Variants in DPP6 observed in about 807,000 individuals in gnomAD.
DPP6 encodes the protein dipeptidyl peptidase like 6.
DPP6 carries 69 observed loss-of-function variants against 122.6 expected under a neutral mutation model. The observed-to-expected ratio is 0.56, with a 90% CI of 0.46 to 0.69. The LOEUF is 0.69. DPP6 is among the 30% of genes least tolerant of loss of function. DPP6 has a pLI of 0.00. For missense variants in DPP6, 928 were observed against 1,116.9 expected (o/e 0.83, Z 2.41); for synonymous variants, 418 against 433.1 (o/e 0.97, Z 0.43).
chr7:154,587,823 C>A, intron 5 of DPP6: 1 of 1,612,780 alleles, frequency 6.2e-7, no homozygotes, highest in South Asian at 1.1e-5. Context: ...TCAATGGATA[C>A]AGCACAGCAT....
At chr7:154,441,673 C>T (rs748230971) in intron 1 of DPP6, among the ~76,000 whole-genome samples, 3 of 152,222 alleles carry the variant, frequency 2.0e-5, no homozygotes, top group East Asian at 3.9e-4. Context: ...GACAGAGAGG[C>T]GTGGGCTCTA....
intron 1 of DPP6, among the ~76,000 whole-genome samples, chr7:154,085,732 T>C (rs1434519574): frequency 6.6e-6 from 1 of 152,040 alleles, no homozygotes; most frequent in Admixed American, 6.6e-5. Context: ...TTTATTTTTA[T>C]TTATTTATTT....
chr7:153,808,201 C>T, the DPP6 span, among the ~76,000 whole-genome samples: 3 of 129,496 alleles, frequency 2.3e-5, no homozygotes, highest in Non-Finnish European at 5.0e-5. Context: ...GTGTGTGTGC[C>T]TGAGTGTGTG....
intron 1 of DPP6, among the ~76,000 whole-genome samples, chr7:154,068,037 CA>C (rs1802866247): frequency 6.6e-6 from 1 of 151,624 alleles, no homozygotes; most frequent in Non-Finnish European, 1.5e-5. Context: ...ACTGGGATTA[CA>C]GGCATGAGTC....
intron 2 of DPP6, among the ~76,000 whole-genome samples, chr7:154,460,758 C>T (rs1029441781): frequency 2.6e-5 from 4 of 152,106 alleles, no homozygotes; most frequent in Non-Finnish European, 5.9e-5. Context: ...ACACATGACA[C>T]ATTTTGATAC....
intron 1 of DPP6, among the ~76,000 whole-genome samples, chr7:154,324,867 A>ATTTTTTTTTTTTTTTTT (rs143944650): frequency 1.5e-4 from 17 of 113,086 alleles, no homozygotes; most frequent in Non-Finnish European, 1.9e-4. Flanking sequence ...TCCTTTTGTT[A>ATTTTTTTTTTTTTTTTT]TTTTTTTTTT....
intron 4 of DPP6, among the ~76,000 whole-genome samples, chr7:154,550,795 A>C (rs1014036024): frequency 6.7e-6 from 1 of 148,516 alleles, no homozygotes; most frequent in Non-Finnish European, 1.5e-5. Context: ...TTGTTGCCCA[A>C]GCTGGAGTGC....
At position 154,314,046 on chromosome 7, in the gene DPP6, T is replaced by C. The variant is rs574915983; in HGVS notation, c.244-132168T>C. 2.8e-4 allele frequency among the ~76,000 whole-genome samples: 42 copies of C among 152,248 alleles called. No homozygotes were observed. In the South Asian group the frequency reaches 8.7e-3, roughly 32 times the overall value. ...CTCCCTTGGTGCATTTTATTAATTCTTTCTGCTCATTACTAGGCTTGGGAT... is the reference window on the plus strand; with the variant it reads ...CTCCCTTGGTGCATTTTATTAATTCCTTCTGCTCATTACTAGGCTTGGGAT... On this transcript the variant is annotated intron_variant, in intron 1 of 25. Transcript: ENST00000377770.
At chr7:153,800,641 C>A in the DPP6 span, among the ~76,000 whole-genome samples, 1 of 152,194 alleles carries the variant, frequency 6.6e-6, no homozygotes, top group South Asian at 2.1e-4. Flanking sequence ...CTCAGCCTCC[C>A]AACTAGCTGA....
chr7:154,201,574 TAAG>T lies in DPP6; in HGVS notation c.243+148514_243+148516del, dbSNP rs1799176122. Among the ~76,000 whole-genome samples the T allele has an allele frequency of 2.0e-5, 3 of 152,280 alleles. No individual in the cohort carries two copies. In the South Asian group the frequency reaches 6.2e-4, roughly 32 times the overall value. ...ATTCTGAAAACCCTTCACTCCTAAA[TAAG>T]AAAGTATTGGGGCAGCAGGTCCCAC... is the stretch of plus-strand genomic sequence containing the variant. On this transcript the variant is annotated intron_variant, in intron 1 of 25. Coordinates refer to ENST00000377770, the MANE Select transcript of DPP6 (RefSeq NM_130797.4).
the DPP6 span, among the ~76,000 whole-genome samples, chr7:153,786,544 C>T: frequency 2.0e-5 from 3 of 151,506 alleles, no homozygotes; most frequent in African/African-American, 7.3e-5. Context: ...TCGAGACCAT[C>T]CTGGCTAACA....
intron 1 of DPP6, among the ~76,000 whole-genome samples, chr7:154,205,230 TC>T (rs1585626604): frequency 6.6e-6 from 1 of 152,148 alleles, no homozygotes; most frequent in African/African-American, 2.4e-5. Context: ...TTGTACCCTT[TC>T]CCCAGTTTCC....
At chr7:154,341,307 G>A (rs566906247) in intron 1 of DPP6, among the ~76,000 whole-genome samples, 2 of 152,294 alleles carry the variant, frequency 1.3e-5, no homozygotes, top group South Asian at 2.1e-4. Context: ...GTCTGGCTCT[G>A]TCCTTCTGAC....
At chr7:154,883,637 CT>C (rs1805699065) in intron 21 of DPP6, 1 of 145,650 alleles carries the variant, frequency 6.9e-6, no homozygotes, top group Non-Finnish European at 1.5e-5. Flanking sequence ...CACACACATG[CT>C]CATACACGTT....
intron 2 of DPP6, among the ~76,000 whole-genome samples, chr7:154,448,006 G>A: frequency 6.6e-6 from 1 of 152,164 alleles, no homozygotes; most frequent in East Asian, 1.9e-4. Flanking sequence ...CTAAGACCAG[G>A]AGATGGTAGA....
chr7:154,370,275 G>A (rs1053131735), intron 1 of DPP6, among the ~76,000 whole-genome samples: 6 of 151,818 alleles, frequency 4.0e-5, no homozygotes, highest in Admixed American at 1.3e-4. Flanking sequence ...GAGCCACCAC[G>A]CTGGGCTGGA....
At chr7:153,970,369 T>C (rs1275920730) in intron 1 of DPP6, among the ~76,000 whole-genome samples, 2 of 152,216 alleles carry the variant, frequency 1.3e-5, no homozygotes, top group Non-Finnish European at 2.9e-5. Context: ...TATTATTGAA[T>C]TGTAAGATCT....
intron 9 of DPP6, among the ~76,000 whole-genome samples, chr7:154,772,182 G>A (rs1796285997): frequency 6.6e-6 from 1 of 152,212 alleles, no homozygotes; most frequent in Non-Finnish European, 1.5e-5. Flanking sequence ...GAATTCAGAT[G>A]CTCCTTGCCC....
chr7:154,790,866 G>A (rs1797631250), intron 10 of DPP6, among the ~76,000 whole-genome samples: 1 of 139,382 alleles, frequency 7.2e-6, no homozygotes, highest in Non-Finnish European at 1.6e-5. Context: ...GGGGAGGGAG[G>A]GAGGGAAAAA....
Sources: allele counts gnomAD v4.1 joint callset (sites outside exome capture counted in the v4.1 genomes callset), GRCh38; gene constraint gnomAD v4.1.1; transcripts MANE v1.5; gene names NCBI Gene and HGNC (gene_info 2026-07-23, HGNC 2026-07-21).